The following BTBD8 variants were observed in gnomAD, a reference collection of about 807,000 sequenced individuals.
BTBD8 encodes BTB domain containing 8.
Under a neutral mutation model 162.9 loss-of-function variants are expected in BTBD8, and 110 were observed. The observed-to-expected ratio is 0.68, with a 90% CI of 0.58 to 0.79. The LOEUF (loss-of-function observed/expected upper bound fraction) is 0.79, where lower values mean the gene tolerates loss of function less well. Ranked by LOEUF, BTBD8 falls within the 30% of genes least tolerant of loss-of-function variation. BTBD8 has a pLI of 0.00. For synonymous variants in BTBD8, 667 were observed against 716.1 expected (o/e 0.93, Z 1.10); for missense variants, 1,905 against 2,085.4 (o/e 0.91, Z 1.68).
intron 8 of BTBD8, among the ~76,000 whole-genome samples, 187 bp downstream of exon 8, chr1:92,147,455 T>C (rs1649950761): frequency 6.6e-6 from 1 of 152,214 alleles, no homozygotes; most frequent in Non-Finnish European, 1.5e-5. Context: ...TTACTTGGGA[T>C]CATTTTATCT....
chr1:92,126,315 A>G (rs997106989), intron 4 of BTBD8: 4 of 593,324 alleles, frequency 6.7e-6, no homozygotes, highest in African/African-American at 1.9e-5. Context: ...TGCATTCCTG[A>G]TGAATCACCC....
chr1:92,150,235 A>G (rs1021245968), intron 9 of BTBD8, among the ~76,000 whole-genome samples: 1 of 152,244 alleles, frequency 6.6e-6, no homozygotes, highest in Non-Finnish European at 1.5e-5. Context: ...TCACAAAAAG[A>G]TCATCAGCCT....
At chr1:92,081,479 A>G (rs1431698553) in intron 1 of BTBD8, among the ~76,000 whole-genome samples, 1 of 152,240 alleles carries the variant, frequency 6.6e-6, no homozygotes, top group Non-Finnish European at 1.5e-5. Flanking sequence ...TCCATTTCTA[A>G]CAAGGCCCCA....
intron 6 of BTBD8, chr1:92,139,713 CT>C: frequency 7.3e-6 from 3 of 412,812 alleles, no homozygotes; most frequent in Non-Finnish European, 1.0e-5. Flanking sequence ...ATTGATTAAA[CT>C]TTTATCAAAC....
intron 4 of BTBD8, chr1:92,125,867 G>A (rs1220043965): frequency 4.8e-6 from 2 of 418,704 alleles, no homozygotes; most frequent in East Asian, 1.2e-4. Flanking sequence ...AGCAAGGAGA[G>A]AGGGATGTCT....
chr1:92,126,366 A>C, intron 4 of BTBD8: 1 of 654,394 alleles, frequency 1.5e-6, no homozygotes, highest in Admixed American at 1.9e-5. Context: ...CTTGAAGTAC[A>C]TTAAGCTGGA....
chr1:92,172,869 A>G (rs1177395332), intron 13 of BTBD8, among the ~76,000 whole-genome samples: 1 of 152,192 alleles, frequency 6.6e-6, no homozygotes, highest in Non-Finnish European at 1.5e-5. Flanking sequence ...GGGTTTCACA[A>G]GATACGAGCT....
At chr1:92,148,976 C>T (rs1649986168) in intron 9 of BTBD8, among the ~76,000 whole-genome samples, 1 of 152,162 alleles carries the variant, frequency 6.6e-6, no homozygotes, top group African/African-American at 2.4e-5. Flanking sequence ...CCAATTTGGG[C>T]AGTGCTGATG....
In BTBD8 at chr1:92,126,075, A is replaced by T. The variant is rs1570732838; in HGVS notation, c.663-3612A>T. On this transcript the variant is annotated intron_variant, in intron 4 of 17. Transcript: ENST00000636805. ...GTGGAAGATGTATGAGGAATTCCTTAGTAAAGTGTCTATTTTAGAGTCTCT... is the reference window on the plus strand; with the variant it reads ...GTGGAAGATGTATGAGGAATTCCTTTGTAAAGTGTCTATTTTAGAGTCTCT... The T allele has an allele frequency of 6.1e-6, 3 of 491,416 alleles. No individual in the cohort carries two copies. The Admixed American group carries it at 6.9e-5, about 11-fold the overall frequency. 30.4% of individuals were successfully genotyped at this position (491,416 alleles called of 1,614,324 possible).
chr1:92,137,935 C>T (rs901492420), intron 5 of BTBD8, among the ~76,000 whole-genome samples: 1 of 152,106 alleles, frequency 6.6e-6, no homozygotes, highest in Non-Finnish European at 1.5e-5. Context: ...TGTGATCTTC[C>T]ATATGTCTGA....
intron 3 of BTBD8, among the ~76,000 whole-genome samples, chr1:92,104,583 AT>A (rs1356431052): frequency 2.0e-5 from 3 of 152,190 alleles, no homozygotes; most frequent in Non-Finnish European, 4.4e-5. Flanking sequence ...TAAAATGGCC[AT>A]ATAAGTTGTG....
At chr1:92,168,704 T>C (rs12085789) in intron 11 of BTBD8, among the ~76,000 whole-genome samples, 162 bp from the exon 12 acceptor site, 7,824 of 152,246 alleles carry the variant, frequency 0.051, 700 homozygotes, top group African/African-American at 0.18. Context: ...AAAATTTTGT[T>C]ATTAATAAGT....
chr1:92,125,572 G>T, intron 4 of BTBD8: 1 of 265,104 alleles, frequency 3.8e-6, no homozygotes, highest in Non-Finnish European at 7.6e-6. Flanking sequence ...CAACCCAGTG[G>T]TTAAAGATCA....
In BTBD8 at chr1:92,080,749, T is replaced by A. The variant is rs200570842; in HGVS notation, c.149+29T>A. On this transcript the variant is annotated intron_variant, in intron 1 of 17. Transcript: ENST00000636805. ...GGAGGAGGCGGGAACTCTGGCTGCT[T>A]CAGTTCCTAAATCGCCCACCTCCGC... 2.1e-4 allele frequency: 339 copies of A among 1,594,166 alleles called. 1 individual carries two copies. The African/African-American group carries it at 4.1e-3, about 19-fold the overall frequency.
rs186956223 is a variant in BTBD8 at position 92,180,994 on chromosome 1, C to G, written c.3311C>G (p.Ser1104Cys). 6.4e-7 allele frequency: 1 copy of G among 1,551,794 alleles called. No individual in the cohort carries two copies. Among genetic ancestry groups the G allele is most frequent in the Non-Finnish European group, 8.7e-7 (1 of 1,147,020 alleles). ...VSNPNENSLNSNPVCDLDSTS... is the reference protein window; with the variant it reads ...VSNPNENSLNCNPVCDLDSTS... Reference sequence around the variant, plus strand: ...AATCCAAATGAAAACTCCTTGAACTCTAATCCAGTTTGTGATTTAGACTCA... The same window carrying G: ...AATCCAAATGAAAACTCCTTGAACTGTAATCCAGTTTGTGATTTAGACTCA... The change falls in exon 17 of 18, where the codon TCT (serine) becomes TGT (cysteine). Residue 1104 changes from serine (S) to cysteine (C), a missense_variant. Around this residue, in one of 3 missense-constraint regions of BTBD8, gnomAD observed 1,374 missense variants for 1,442.7 expected, o/e 0.95. Coordinates refer to ENST00000636805, the MANE Select transcript of BTBD8 (RefSeq NM_001376131.1).
At chr1:92,144,512 A>AGGTGAC (rs1458066871) in intron 7 of BTBD8, among the ~76,000 whole-genome samples, 1 of 151,370 alleles carries the variant, frequency 6.6e-6, no homozygotes, top group African/African-American at 2.4e-5. Context: ...GTCACCAATT[A>AGGTGAC]AAAGTATACT....
At chr1:92,120,019 G>T (rs1037014754) in intron 4 of BTBD8, among the ~76,000 whole-genome samples, 2 of 144,874 alleles carry the variant, frequency 1.4e-5, no homozygotes, top group African/African-American at 5.1e-5. Flanking sequence ...GCCTGCCTCA[G>T]CCTCTCGAGT....
In BTBD8 at chr1:92,175,477, CAAAA is replaced by C. The variant is rs71091265; in HGVS notation, c.1636-1333_1636-1330del. 4.8e-3 allele frequency among the ~76,000 whole-genome samples: 179 copies of C among 37,450 alleles called. 1 individual carries two copies. Among genetic ancestry groups the C allele is most frequent in the African/African-American group, 0.016 (159 of 10,250 alleles). 24.6% of individuals were successfully genotyped at this position (37,450 alleles called of 152,430 possible). ...CTGGCAACAGAGCAAGACTCCATCT[CAAAA>C]AAAAAAAAAAAAAAAAAAGAATGAC... On this transcript the variant is annotated intron_variant, in intron 13 of 17. Coordinates refer to ENST00000636805, the MANE Select transcript of BTBD8 (RefSeq NM_001376131.1).
chr1:92,178,587 G>C, intron 16 of BTBD8, 136 bp downstream of exon 16: 1 of 702,172 alleles, frequency 1.4e-6, no homozygotes, highest in Non-Finnish European at 2.3e-6. Flanking sequence ...TCACACCATA[G>C]AGATGAGATT....
Sources: allele counts gnomAD v4.1 joint callset (sites outside exome capture counted in the v4.1 genomes callset), GRCh38; gene constraint gnomAD v4.1.1; regional missense constraint gnomAD v4.1.1; transcripts MANE v1.5; gene names NCBI Gene and HGNC (gene_info 2026-07-23, HGNC 2026-07-21).